The following TTLL10 variants were observed in gnomAD, a reference collection of about 807,000 sequenced individuals.
TTLL10 encodes inactive polyglycylase TTLL10.
Under a neutral mutation model 69.0 loss-of-function variants are expected in TTLL10, and 61 were observed. The observed-to-expected ratio is 0.88, with a 90% confidence interval of 0.72 to 1.09. The LOEUF (loss-of-function observed/expected upper bound fraction) is 1.09, where lower values mean the gene tolerates loss of function less well. TTLL10 is among the 50% of genes least tolerant of loss of function. TTLL10 has a pLI of 0.00. For synonymous variants in TTLL10, 408 were observed against 393.3 expected (o/e 1.04, Z -0.44); for missense variants, 962 against 945.9 (o/e 1.02, Z -0.22).
chr1:1,183,578 C>T (rs1015729206), intron 11 of TTLL10, among the ~76,000 whole-genome samples: 27 of 152,184 alleles, frequency 1.8e-4, no homozygotes, highest in African/African-American at 4.8e-4. Flanking sequence ...GCGAGCTCTC[C>T]GCCTGGCGCA....
chr1:1,181,698 G>T lies in TTLL10; in HGVS notation c.756-43G>T, dbSNP rs1570413765. The T allele has an allele frequency of 1.3e-6, 2 of 1,546,606 alleles. No homozygotes were observed. Among genetic ancestry groups the T allele is most frequent in the East Asian group, 4.7e-5 (2 of 42,280 alleles). On this transcript the variant is annotated intron_variant, in intron 8 of 15. Coordinates refer to ENST00000379289, the MANE Select transcript of TTLL10 (RefSeq NM_001130045.2). This position sits in a 1 kb window ranked among gnomAD's most constrained non-coding sequence, Gnocchi z 4.6. ...AGTCCCCACCCGCTCCAAGCACCAT[G>T]AGCTGGCCCCTCAGTCCAGGCCCTC...
rs111377341 is a variant in TTLL10, at chr1:1,184,029, C to G, written c.1198C>G (p.Arg400Gly). The G allele has an allele frequency of 4.3e-5, 70 of 1,614,232 alleles. 1 individual carries two copies. The African/African-American group carries it at 6.4e-4, about 15-fold the overall frequency. The change falls in exon 12 of 16, where the codon CGC becomes GGC. Residue 400 changes from arginine (R) to glycine (G), a missense_variant. Transcript: ENST00000379289. ...GATCTTCTTTGGCCACGGCTATGCT[C>G]GCCTCACCCTTAGCCTTTACGACCC... ...YMIFFGHGYA[R>G]LTLSLYDPHS...
chr1:1,197,019 G>T, intron 14 of TTLL10, 74 bp from the exon 15 acceptor site: 1 of 1,376,806 alleles, frequency 7.3e-7, no homozygotes, highest in Non-Finnish European at 1.0e-6. Context: ...CTGTCTGAAT[G>T]AGGACCAGGG....
Position 1,197,896 on chromosome 1 carries a change from T to A in TTLL10, c.*49T>A. On this transcript the variant is annotated 3_prime_UTR_variant, in exon 16 of 16. Coordinates refer to ENST00000379289, the MANE Select transcript of TTLL10 (RefSeq NM_001130045.2). Reference sequence around the variant, plus strand: ...CCCGCGCCCCGCGCCCCAGCCGTGCTGCCTGCCCTCAGGGACCTATAAAGC... The same window carrying A: ...CCCGCGCCCCGCGCCCCAGCCGTGCAGCCTGCCCTCAGGGACCTATAAAGC... 2 of 1,383,212 alleles carry A rather than the reference T, an allele frequency of 1.4e-6. No homozygotes were observed. Among genetic ancestry groups the A allele is most frequent in the Non-Finnish European group, 1.9e-6 (2 of 1,070,752 alleles). The allele number at this position is 1,383,212 out of a possible 1,614,324, so 85.7% of individuals were successfully genotyped here.
Position 1,183,064 on chromosome 1 carries a change from C to G in TTLL10, c.1088+17C>G. ...GGTGCAGAGGTGCGGCGGCGGGTGCCCGGAGGGGTGAGGGTCTGGGCTGGC... is the reference window on the plus strand; with the variant it reads ...GGTGCAGAGGTGCGGCGGCGGGTGCGCGGAGGGGTGAGGGTCTGGGCTGGC... On this transcript the variant is annotated intron_variant, in intron 11 of 15. Coordinates refer to ENST00000379289, the MANE Select transcript of TTLL10 (RefSeq NM_001130045.2). 6.3e-7 allele frequency: 1 copy of G among 1,578,154 alleles called. No individual in the cohort carries two copies.
At chr1:1,190,622 G>T (rs1426225523) in intron 13 of TTLL10, among the ~76,000 whole-genome samples, 3 of 151,458 alleles carry the variant, frequency 2.0e-5, no homozygotes, top group Non-Finnish European at 1.5e-5. Flanking sequence ...TGGAGATGGG[G>T]TTTCACCATG....
At chr1:1,192,086 T>TGG (rs374870252) in intron 13 of TTLL10, among the ~76,000 whole-genome samples, 2 of 151,394 alleles carry the variant, frequency 1.3e-5, no homozygotes, top group African/African-American at 4.9e-5. Flanking sequence ...GGCCAGATTT[T>TGG]GGGGGGGGGC....
Position 1,196,651 on chromosome 1 carries a change from C to A in TTLL10, c.1453C>A (p.Leu485Met), listed in dbSNP as rs772289032. 1 of 1,551,996 alleles carries A rather than the reference C, an allele frequency of 6.4e-7. No individual in the cohort carries two copies. Among genetic ancestry groups the A allele is most frequent in the South Asian group, 1.2e-5 (1 of 84,066 alleles). The stretch of plus-strand genomic sequence containing the variant: ...CTGCTTTCTGGCCGCCAAGCCCAAG[C>A]TGGACTGCAAGCTGGGTTACTTTGA... ...AHCFLAAKPK[L>M]DCKLGYFDLI... The change falls in exon 14 of 16, where the codon CTG becomes ATG. Residue 485 changes from leucine (L) to methionine (M), a missense_variant. Leu to Met is a conservative substitution (Grantham distance 15). Transcript: ENST00000379289.
intron 12 of TTLL10, among the ~76,000 whole-genome samples, 155 bp downstream of exon 12, chr1:1,184,246 C>T (rs1033888530): frequency 3.3e-5 from 5 of 152,230 alleles, no homozygotes; most frequent in African/African-American, 4.8e-5. Context: ...GGGCTGCCCC[C>T]GCTGGCAGTG....
intron 13 of TTLL10, among the ~76,000 whole-genome samples, chr1:1,186,405 C>G (rs1022711045): frequency 6.6e-5 from 10 of 152,162 alleles, no homozygotes; most frequent in African/African-American, 2.4e-4. Context: ...CCCTTTCATA[C>G]AACGTTCCGT....
intron 13 of TTLL10, among the ~76,000 whole-genome samples, chr1:1,186,444 G>T (rs1452693423): frequency 7.2e-6 from 1 of 138,376 alleles, no homozygotes; most frequent in African/African-American, 2.6e-5. Flanking sequence ...TTTGCCATCA[G>T]CTGGTGGACA....
chr1:1,196,322 T>C (rs1648204671), intron 13 of TTLL10: 2 of 421,922 alleles, frequency 4.7e-6, no homozygotes, highest in East Asian at 8.5e-5. Context: ...TCCCATTTGC[T>C]ATCCGTCTCT....
At chr1:1,193,946 C>T (rs1648021680) in intron 13 of TTLL10, among the ~76,000 whole-genome samples, 3 of 151,910 alleles carry the variant, frequency 2.0e-5, no homozygotes, top group Admixed American at 2.0e-4. Flanking sequence ...TCATATGAGG[C>T]CAGGCATTTG....
intron 3 of TTLL10, chr1:1,176,533 T>C: frequency 2.5e-6 from 1 of 395,356 alleles, no homozygotes; most frequent in East Asian, 7.1e-5. Context: ...TCCACACCTT[T>C]TCCCACCTCC....
intron 13 of TTLL10, among the ~76,000 whole-genome samples, chr1:1,187,067 C>T (rs971228743): frequency 4.6e-5 from 7 of 151,702 alleles, no homozygotes; most frequent in African/African-American, 1.4e-4. Context: ...AGGATGGTCT[C>T]GATCTCCTGA....
chr1:1,197,636 C>A lies in TTLL10; in HGVS notation c.1811C>A (p.Pro604Gln). The change falls in exon 16 of 16, where the codon CCA becomes CAA. Residue 604 changes from proline (P) to glutamine (Q), a missense_variant. Pro to Gln is a moderately conservative substitution (Grantham distance 76, BLOSUM62 -1). Transcript: ENST00000379289. Reference protein sequence around the residue: ...KSSGPPMPHAPDQPGARRPAP... With the variant: ...KSSGPPMPHAQDQPGARRPAP... ...TCCGGGCCACCCATGCCGCATGCCC[C>A]AGACCAGCCGGGCGCCCGCAGGCCT... 1 of 1,506,374 alleles carries A rather than the reference C, an allele frequency of 6.6e-7. No homozygotes were observed. The highest frequency in any genetic ancestry group is 2.1e-5 in the Admixed American group (1 of 47,052). The allele number at this position is 1,506,374 out of a possible 1,614,324, so 93.3% of individuals were successfully genotyped here.
intron 4 of TTLL10, 156 bp downstream of exon 4, chr1:1,179,489 T>A: frequency 7.7e-7 from 1 of 1,295,486 alleles, no homozygotes. Context: ...GGGCCAGCTG[T>A]GGGCGCCGGG....
At chr1:1,183,842 C>T in intron 11 of TTLL10, 78 bp from the exon 12 acceptor site, 1 of 1,573,388 alleles carries the variant, frequency 6.4e-7, no homozygotes, top group African/African-American at 1.3e-5. Flanking sequence ...ATGGAACAGG[C>T]CCGGGGTGGG....
At chr1:1,187,829 C>T (rs534379673) in intron 13 of TTLL10, among the ~76,000 whole-genome samples, 31 of 151,712 alleles carry the variant, frequency 2.0e-4, no homozygotes, top group Non-Finnish European at 3.5e-4. Flanking sequence ...CACTTGAACC[C>T]GGGAGGCAGA....
Sources: allele counts gnomAD v4.1 joint callset (sites outside exome capture counted in the v4.1 genomes callset), GRCh38; gene constraint gnomAD v4.1.1; non-coding constraint Gnocchi (gnomAD v3.1); transcripts MANE v1.5; gene names NCBI Gene and HGNC (gene_info 2026-07-23, HGNC 2026-07-21).